PKHD1L1: variants seen among roughly 807,000 people sequenced by gnomAD.
PKHD1L1 encodes fibrocystin-L.
Under a neutral mutation model 462.9 loss-of-function variants are expected in PKHD1L1, and 434 were observed. That is an observed-to-expected ratio of 0.94 (90% confidence interval 0.87 to 1.02). The LOEUF (loss-of-function observed/expected upper bound fraction) is 1.02. PKHD1L1 is among the 50% of genes least tolerant of loss of function. The pLI is 0.00. For missense variants in PKHD1L1, 5,202 were observed against 5,096.1 expected, an observed-to-expected ratio of 1.02 and a Z score of -0.63; for synonymous variants, 1,781 against 1,750.0, an observed-to-expected ratio of 1.02 and a Z score of -0.44.
chr8:109,475,276 A>G lies in PKHD1L1; in HGVS notation c.8757+7A>G, dbSNP rs1383971297. 3 of 1,586,198 alleles carry G rather than the reference A, an allele frequency of 1.9e-6. No individual in the cohort carries two copies. Among genetic ancestry groups the G allele is most frequent in the Non-Finnish European group, 2.6e-6 (3 of 1,160,722 alleles). The stretch of plus-strand genomic sequence containing the variant: ...GACATTCTATGGATTCAAGGTAAAA[A>G]TATTTATCTTCTAATGATTATAATT... On this transcript the variant is annotated splice_region_variant and intron_variant, in intron 51 of 77. Coordinates refer to ENST00000378402, the MANE Select transcript of PKHD1L1 (RefSeq NM_177531.6).
intron 4 of PKHD1L1, among the ~76,000 whole-genome samples, chr8:109,383,176 TA>T: frequency 9.1e-6 from 1 of 109,756 alleles, no homozygotes; most frequent in Non-Finnish European, 1.7e-5. Context: ...ATATATACAA[TA>T]ATATATATAA....
At chr8:109,477,156 C>T in intron 52 of PKHD1L1, 69 bp from the exon 53 acceptor site, 2 of 1,511,368 alleles carry the variant, frequency 1.3e-6, no homozygotes, top group Non-Finnish European at 9.0e-7. Flanking sequence ...TCCAAAATTC[C>T]ATAATTTTGT....
At chr8:109,489,318 G>A (rs1457086162) in intron 59 of PKHD1L1, among the ~76,000 whole-genome samples, 1 of 151,670 alleles carries the variant, frequency 6.6e-6, no homozygotes, top group African/African-American at 2.4e-5. Context: ...AACCCACAGG[G>A]TGCTTTATGG....
chr8:109,447,560 T>C (rs1380126802), intron 38 of PKHD1L1, among the ~76,000 whole-genome samples: 1 of 152,234 alleles, frequency 6.6e-6, no homozygotes, highest in Non-Finnish European at 1.5e-5. Context: ...TTATTTGTTC[T>C]ATGTGCACTC....
At chr8:109,459,424 TA>T (rs1231560788) in intron 46 of PKHD1L1, among the ~76,000 whole-genome samples, 170 bp from the exon 47 acceptor site, 2 of 140,766 alleles carry the variant, frequency 1.4e-5, no homozygotes, top group African/African-American at 5.0e-5. Flanking sequence ...AAAACTTAGT[TA>T]ATCAAGCAAG....
chr8:109,497,175 A>G lies in PKHD1L1; in HGVS notation c.10502A>G (p.Asn3501Ser), dbSNP rs762017503. ...FQTTESVHIY[N>S]VTLVDNGMAI... Reference sequence around the variant, plus strand: ...ACCACAGAGAGTGTGCACATTTATAATGTGACCCTGGTTGACAATGGAATG... The same window carrying G: ...ACCACAGAGAGTGTGCACATTTATAGTGTGACCCTGGTTGACAATGGAATG... The change falls in exon 65 of 78, where the codon AAT becomes AGT. Residue 3501 changes from asparagine (N) to serine (S), a missense_variant. Around this residue, in one of 3 missense-constraint regions of PKHD1L1, gnomAD observed 4,497 missense variants for 4,336.8 expected, o/e 1.04. Coordinates refer to ENST00000378402, the MANE Select transcript of PKHD1L1 (RefSeq NM_177531.6). 3 of 1,613,866 alleles carry G rather than the reference A, an allele frequency of 1.9e-6. No homozygotes were observed. Among genetic ancestry groups the G allele is most frequent in the Non-Finnish European group, 2.5e-6 (3 of 1,179,812 alleles).
Position 109,490,050 on chromosome 8 carries a change from G to C in PKHD1L1, c.9979G>C (p.Gly3327Arg), listed in dbSNP as rs370628975. 2.8e-5 allele frequency: 44 copies of C among 1,582,424 alleles called. No individual in the cohort carries two copies. The highest frequency in any genetic ancestry group is 3.6e-5 in the Non-Finnish European group (42 of 1,159,110). Residue 3327 changes from glycine (G) to arginine (R), a missense_variant, in exon 60 of 78, where the codon GGA (glycine) becomes CGA (arginine). Coordinates refer to ENST00000378402, the MANE Select transcript of PKHD1L1 (RefSeq NM_177531.6). ...PRYAVTFLNL[G>R]QIQEHGSSYI... ...ATATGCTGTAACGTTTCTTAACCTA[G>C]GACAGGTTTGTGCTTTATTTTTAAT...
chr8:109,433,601 C>A (rs1032698430), intron 28 of PKHD1L1, among the ~76,000 whole-genome samples: 1 of 152,100 alleles, frequency 6.6e-6, no homozygotes. Context: ...AGGAAGAGGA[C>A]CTGGCCATCT....
At chr8:109,430,181 C>A in intron 27 of PKHD1L1, 144 bp downstream of exon 27, 2 of 470,778 alleles carry the variant, frequency 4.2e-6, no homozygotes, top group South Asian at 5.4e-5. Flanking sequence ...AATTAAAAAC[C>A]CTATCAGAGA....
rs748860659 is a variant in PKHD1L1, at chr8:109,440,729, A to G, written c.3976A>G (p.Ile1326Val). 11 of 1,612,322 alleles carry G rather than the reference A, an allele frequency of 6.8e-6. No homozygotes were observed. Among genetic ancestry groups the G allele is most frequent in the Admixed American group, 6.7e-5 (4 of 59,928 alleles). ...ASTRDKLNSS[I>V]QYVLEVTSMF... ...TCTCAGAGACAAATTAAATTCTTCA[A>G]TACAGTATGTTTTAGAAGTGACCAG... is the stretch of plus-strand genomic sequence containing the variant. Residue 1326 changes from isoleucine (I) to valine (V), a missense_variant, in exon 33 of 78, where the codon ATA becomes GTA. Physicochemically the swap from Ile to Val is conservative, Grantham distance 29 (BLOSUM62 3). Coordinates refer to ENST00000378402, the MANE Select transcript of PKHD1L1 (RefSeq NM_177531.6).
In PKHD1L1 at chr8:109,534,449, C is replaced by T. The variant is rs13439318; in HGVS notation, c.*4359C>T. On this transcript the variant is annotated 3_prime_UTR_variant, in exon 78 of 78. Coordinates refer to ENST00000378402, the MANE Select transcript of PKHD1L1 (RefSeq NM_177531.6). Reference sequence around the variant, plus strand: ...CTGCACTCCAGCCTGGGTGACAGAGCGAGACACATCTCAAAAAAAAAAACC... The same window carrying T: ...CTGCACTCCAGCCTGGGTGACAGAGTGAGACACATCTCAAAAAAAAAAACC... Among the ~76,000 whole-genome samples the T allele has an allele frequency of 0.76, 115,800 of 151,720 alleles. 44,865 individuals carry two copies. The highest frequency in any genetic ancestry group is 0.93 in the Middle Eastern group (271 of 292).
chr8:109,389,212 T>C, intron 8 of PKHD1L1, 60 bp downstream of exon 8: 2 of 1,400,362 alleles, frequency 1.4e-6, no homozygotes, highest in Non-Finnish European at 2.0e-6. Flanking sequence ...TTTCCCTGTT[T>C]TGTATTCTCC....
At chr8:109,524,178 G>C (rs899253868) in intron 76 of PKHD1L1, among the ~76,000 whole-genome samples, 1 of 152,188 alleles carries the variant, frequency 6.6e-6, no homozygotes, top group East Asian at 1.9e-4. Flanking sequence ...CCATTGTTCT[G>C]TTTGTCCCAA....
chr8:109,411,650 C>A (rs970327204), intron 19 of PKHD1L1, among the ~76,000 whole-genome samples: 1 of 152,156 alleles, frequency 6.6e-6, no homozygotes, highest in East Asian at 1.9e-4. Flanking sequence ...CTCTCTCACA[C>A]CTCTGCTTTT....
At chr8:109,366,620 T>G (rs1279713585) in intron 2 of PKHD1L1, among the ~76,000 whole-genome samples, 1 of 152,174 alleles carries the variant, frequency 6.6e-6, no homozygotes, top group South Asian at 2.1e-4. Context: ...TCAAAAAAAT[T>G]TTTTAATAAA....
Position 109,420,542 on chromosome 8 carries a change from C to A in PKHD1L1, c.2549C>A (p.Ala850Glu), listed in dbSNP as rs777246750. ...GAAATGCCCAAGAGAAGACTTCCTGCATTAGCAAATAAAGGAATATTCTTA... is the reference window on the plus strand; with the variant it reads ...GAAATGCCCAAGAGAAGACTTCCTGAATTAGCAAATAAAGGAATATTCTTA... ...LDEMPKRRLP[A>E]LANKGIFLEH... is the part of the protein sequence containing the mutation. The change falls in exon 23 of 78, where the codon GCA (alanine) becomes GAA (glutamate). Residue 850 changes from alanine (A) to glutamate (E), a missense_variant. By Grantham distance (107) the Ala-to-Glu change is moderately radical (BLOSUM62 -1). Around this residue, in one of 3 missense-constraint regions of PKHD1L1, gnomAD observed 4,497 missense variants for 4,336.8 expected, o/e 1.04. Transcript: ENST00000378402. The A allele has an allele frequency of 1.3e-6, 2 of 1,596,882 alleles. No individual in the cohort carries two copies. The highest frequency in any genetic ancestry group is 4.5e-5 in the East Asian group (2 of 43,980).
chr8:109,418,751 C>T (rs1814310432), intron 21 of PKHD1L1, among the ~76,000 whole-genome samples: 1 of 152,172 alleles, frequency 6.6e-6, no homozygotes, highest in East Asian at 1.9e-4. Flanking sequence ...AAATTGTTGA[C>T]TCCATTCTTG....
chr8:109,470,721 G>A lies in PKHD1L1; in HGVS notation c.8605+3952G>A, dbSNP rs1817672591. 7 of 1,574,344 alleles carry A rather than the reference G, an allele frequency of 4.4e-6. No individual in the cohort carries two copies. In the Admixed American group the frequency reaches 1.2e-4, roughly 27 times the overall value. ...CAAATCTGGTTCAATTAGAAGCCTT[G>A]TACCAATCTTCTTGGGACAGCCAGT... On this transcript the variant is annotated intron_variant, in intron 50 of 77. Coordinates refer to ENST00000378402, the MANE Select transcript of PKHD1L1 (RefSeq NM_177531.6).
chr8:109,406,366 A>C lies in PKHD1L1; in HGVS notation c.1701A>C (p.Ile567=). 1 of 1,555,934 alleles carries C rather than the reference A, an allele frequency of 6.4e-7. No individual in the cohort carries two copies. Among genetic ancestry groups the C allele is most frequent in the Non-Finnish European group, 8.7e-7 (1 of 1,149,148 alleles). ...TACCTGCTGATGCTTCTGAATTCAT[A>C]CTGCAATCAGCCTTGAATGACCTCT... ...VFLPADASEF[I]LQSALNDLWS... is the part of the protein sequence containing the mutation. Residue 567 remains isoleucine (I), a synonymous_variant, in exon 17 of 78, where the codon ATA becomes ATC. Transcript: ENST00000378402.
Sources: gnomAD v4.1 joint callset for allele counts (sites outside exome capture counted in the v4.1 genomes callset) on GRCh38, gnomAD v4.1.1 for gene constraint, gnomAD v4.1.1 regional missense constraint, MANE v1.5 for transcripts, NCBI Gene and HGNC (gene_info 2026-07-23, HGNC 2026-07-21) for gene names.